The following NUDT19 variants were observed in gnomAD, a reference collection of about 807,000 sequenced individuals.
NUDT19 encodes nudix hydrolase 19.
In NUDT19, 31 loss-of-function variants were observed where a neutral mutation model predicts 22.2. The ratio of observed to expected loss-of-function variants is 1.40; its 90% CI spans 1.05 to 1.89. NUDT19 has a LOEUF of 1.89. Ranked by LOEUF, NUDT19 falls within the 40% of genes most tolerant of loss-of-function variation. NUDT19 has a pLI of 0.00. For missense variants in NUDT19, 752 were observed against 514.2 expected, an observed-to-expected ratio of 1.46 and a Z score of -4.47; for synonymous variants, 325 against 230.8, an observed-to-expected ratio of 1.41 and a Z score of -3.70.
rs190263362 is a variant in NUDT19 at position 32,698,689 on chromosome 19, C to T, written c.714+6015C>T. On this transcript the variant is annotated intron_variant, in intron 1 of 2. Coordinates refer to ENST00000397061, the MANE Select transcript of NUDT19 (RefSeq NM_001105570.2). ...ACACAGCAGCAGAAACACTAGTTCT[C>T]CTAGACCACAAGGAGGAATGAGGAA... is the stretch of plus-strand genomic sequence containing the variant. Among the ~76,000 whole-genome samples the T allele has an allele frequency of 9.5e-4, 145 of 152,276 alleles. 1 individual carries two copies. Among genetic ancestry groups the T allele is most frequent in the African/African-American group, 3.4e-3 (141 of 41,544 alleles).
At chr19:32,704,177 T>G (rs1172910339) in intron 1 of NUDT19, among the ~76,000 whole-genome samples, 1 of 152,228 alleles carries the variant, frequency 6.6e-6, no homozygotes, top group Non-Finnish European at 1.5e-5. Flanking sequence ...GATAGGTTTT[T>G]TTCCTTATGT....
intron 1 of NUDT19, among the ~76,000 whole-genome samples, chr19:32,699,521 G>A (rs1490868286): frequency 6.6e-6 from 1 of 152,224 alleles, no homozygotes; most frequent in Non-Finnish European, 1.5e-5. Flanking sequence ...ACTCCGAAGA[G>A]TCGGGGGTTG....
intron 1 of NUDT19, among the ~76,000 whole-genome samples, chr19:32,708,376 G>A (rs1349965750): frequency 4.1e-5 from 6 of 146,626 alleles, no homozygotes; most frequent in Admixed American, 6.8e-5. Context: ...GCAGTGAGCC[G>A]AGATCGGGCC....
Position 32,692,496 on chromosome 19 carries a change from T to C in NUDT19, c.536T>C (p.Leu179Pro). 6.4e-7 allele frequency: 1 copy of C among 1,552,778 alleles called. No individual in the cohort carries two copies. Among genetic ancestry groups the C allele is most frequent in the Non-Finnish European group, 8.7e-7 (1 of 1,153,166 alleles). Residue 179 changes from leucine (L) to proline (P), a missense_variant, in exon 1 of 3, where the codon CTG (leucine) becomes CCG (proline). By Grantham distance (98) the Leu-to-Pro change is moderately conservative (BLOSUM62 -3). Coordinates refer to ENST00000397061, the MANE Select transcript of NUDT19 (RefSeq NM_001105570.2). ...DRVRQDPRHFLRLCAHLDCTP... is the reference protein window; with the variant it reads ...DRVRQDPRHFPRLCAHLDCTP... ...GTGCGCCAGGACCCGCGCCACTTCCTGCGGCTGTGCGCCCACCTCGACTGC... is the reference window on the plus strand; with the variant it reads ...GTGCGCCAGGACCCGCGCCACTTCCCGCGGCTGTGCGCCCACCTCGACTGC...
chr19:32,695,620 T>C (rs1338623970), intron 1 of NUDT19, among the ~76,000 whole-genome samples: 1 of 152,226 alleles, frequency 6.6e-6, no homozygotes, highest in Non-Finnish European at 1.5e-5. Context: ...TCCCTGCCTC[T>C]GCCAGCCGCT....
intron 1 of NUDT19, among the ~76,000 whole-genome samples, chr19:32,708,917 T>C (rs1381509550): frequency 1.3e-5 from 2 of 152,198 alleles, no homozygotes; most frequent in Non-Finnish European, 2.9e-5. Context: ...CCTCTTATGC[T>C]GAACAGCTCT....
chr19:32,704,247 T>C (rs1200006953), intron 1 of NUDT19, among the ~76,000 whole-genome samples: 1 of 152,142 alleles, frequency 6.6e-6, no homozygotes, highest in African/African-American at 2.4e-5. Context: ...AGAGGTCTGT[T>C]ACCACTCTTG....
intron 1 of NUDT19, among the ~76,000 whole-genome samples, chr19:32,700,698 G>C (rs1016372846): frequency 2.0e-5 from 3 of 152,102 alleles, no homozygotes; most frequent in Non-Finnish European, 4.4e-5. Flanking sequence ...CCAAAGTCTT[G>C]GGGATTATTG....
At chr19:32,696,539 G>A (rs1266025705) in intron 1 of NUDT19, among the ~76,000 whole-genome samples, 1 of 152,156 alleles carries the variant, frequency 6.6e-6, no homozygotes, top group Non-Finnish European at 1.5e-5. Flanking sequence ...CCAATGCCCA[G>A]ACTTCAGGGT....
intron 1 of NUDT19, among the ~76,000 whole-genome samples, chr19:32,702,209 G>C (rs1219794030): frequency 6.6e-6 from 1 of 152,104 alleles, no homozygotes; most frequent in African/African-American, 2.4e-5. Context: ...ATTGACAAAG[G>C]CTTGAGTCAA....
intron 1 of NUDT19, 96 bp from the exon 2 acceptor site, chr19:32,709,089 C>T: frequency 1.2e-6 from 1 of 809,132 alleles, no homozygotes; most frequent in South Asian, 1.4e-5. Context: ...ATTCATTTTA[C>T]ACATTCAGTT....
chr19:32,692,945 T>G (rs1479888329), intron 1 of NUDT19, among the ~76,000 whole-genome samples: 6 of 152,290 alleles, frequency 3.9e-5, no homozygotes, highest in Non-Finnish European at 5.9e-5. Context: ...GTGTAAGCAC[T>G]TGTACATGTG....
chr19:32,701,073 T>C (rs1358475063), intron 1 of NUDT19, among the ~76,000 whole-genome samples: 2 of 152,166 alleles, frequency 1.3e-5, no homozygotes, highest in East Asian at 3.9e-4. Flanking sequence ...ACTTGTTTTA[T>C]GGCCATGAAT....
Position 32,692,513 on chromosome 19 carries a change from C to T in NUDT19, c.553C>T (p.Leu185Phe), listed in dbSNP as rs978779253. The T allele has an allele frequency of 6.4e-7, 1 of 1,569,360 alleles. No individual in the cohort carries two copies. Among genetic ancestry groups the T allele is most frequent in the African/African-American group, 1.4e-5 (1 of 71,794 alleles). The change falls in exon 1 of 3, where the codon CTC (leucine) becomes TTC (phenylalanine). Residue 185 changes from leucine (L) to phenylalanine (F), a missense_variant. By Grantham distance (22) the Leu-to-Phe change is conservative. Transcript: ENST00000397061. ...PRHFLRLCAH[L>F]DCTPDIWALH... is the part of the protein sequence containing the mutation. Reference sequence around the variant, plus strand: ...CCACTTCCTGCGGCTGTGCGCCCACCTCGACTGCACACCCGACATCTGGGC... The same window carrying T: ...CCACTTCCTGCGGCTGTGCGCCCACTTCGACTGCACACCCGACATCTGGGC...
chr19:32,694,909 A>C (rs1041395969), intron 1 of NUDT19, among the ~76,000 whole-genome samples: 1 of 152,230 alleles, frequency 6.6e-6, no homozygotes, highest in Non-Finnish European at 1.5e-5. Context: ...TCACGTACTG[A>C]GTACCCATTG....
At position 32,711,792 on chromosome 19, in the gene NUDT19, T is replaced by C; in HGVS notation, c.963T>C (p.Asn321=). 6.2e-7 allele frequency: 1 copy of C among 1,613,564 alleles called. No individual in the cohort carries two copies. Among genetic ancestry groups the C allele is most frequent in the Non-Finnish European group, 8.5e-7 (1 of 1,179,596 alleles). The part of the protein sequence containing the change: ...LYLEDSDFLE[N]LMSTEKKTEE... ...TAGAAGATTCAGACTTTTTGGAAAATCTTATGTCTACTGAAAAAAAGACTG... is the reference window on the plus strand; with the variant it reads ...TAGAAGATTCAGACTTTTTGGAAAACCTTATGTCTACTGAAAAAAAGACTG... The change falls in exon 3 of 3, where the codon AAT becomes AAC. Residue 321 remains asparagine, a synonymous_variant. Transcript: ENST00000397061.
rs1599796332 is a variant in NUDT19 at position 32,695,336 on chromosome 19, C to T, written c.714+2662C>T. Among the ~76,000 whole-genome samples, 2 of 152,246 alleles carry T rather than the reference C, an allele frequency of 1.3e-5. 1 individual carries two copies. On this transcript the variant is annotated intron_variant, in intron 1 of 2. Transcript: ENST00000397061. The stretch of plus-strand genomic sequence containing the variant: ...CTGGAATTACAGGCGCCCGCCACCA[C>T]ACCTGGCTAATTTTTGTATTTTTAG...
intron 1 of NUDT19, among the ~76,000 whole-genome samples, chr19:32,700,560 G>C (rs1334422341): frequency 2.0e-5 from 3 of 152,164 alleles, no homozygotes; most frequent in Non-Finnish European, 2.9e-5. Flanking sequence ...TTCCCGGGTA[G>C]CTGGGCCCAC....
chr19:32,700,104 G>T (rs761635713), intron 1 of NUDT19, among the ~76,000 whole-genome samples: 1 of 152,250 alleles, frequency 6.6e-6, no homozygotes, highest in Non-Finnish European at 1.5e-5. Context: ...AAGAGCAAAA[G>T]AACAGAGCTT....
Sources: allele counts gnomAD v4.1 joint callset (sites outside exome capture counted in the v4.1 genomes callset), GRCh38; gene constraint gnomAD v4.1.1; transcripts MANE v1.5; gene names NCBI Gene and HGNC (gene_info 2026-07-23, HGNC 2026-07-21).